Variants in PABIR3 observed in about 807,000 individuals in gnomAD.
PABIR3 encodes PABIR family member 1.
In PABIR3, 20 loss-of-function variants were observed where a neutral mutation model predicts 23.1. The observed-to-expected ratio is 0.86, with a 90% confidence interval of 0.61 to 1.26. PABIR3 has a LOEUF of 1.26. Ranked by LOEUF, PABIR3 falls within the 50% of genes most tolerant of loss-of-function variation. The pLI, the probability that PABIR3 is intolerant of heterozygous loss-of-function variation, is 0.00. For missense variants in PABIR3, 189 were observed against 195.4 expected, an observed-to-expected ratio of 0.97 and a Z score of 0.20; for synonymous variants, 69 against 68.5, an observed-to-expected ratio of 1.01 and a Z score of -0.04.
intron 4 of PABIR3, among the ~76,000 whole-genome samples, chrX:134,833,716 G>T (rs1441603596): frequency 1.8e-5 from 2 of 110,076 alleles, no homozygotes; most frequent in Admixed American, 9.8e-5. Context: ...CCCTCCCTGT[G>T]TCCATGTGTT....
At chrX:134,829,382 C>T (rs1443627937) in intron 4 of PABIR3, 100 bp downstream of exon 4, 14 of 634,606 alleles carry the variant, frequency 2.2e-5, no homozygotes, top group East Asian at 1.8e-4. Flanking sequence ...AGTGAGGTCA[C>T]GTGTAATATT....
At chrX:134,844,255 T>G (rs1414050835) in intron 4 of PABIR3, 1 of 111,662 alleles carries the variant, frequency 9.0e-6, no homozygotes, top group Non-Finnish European at 1.9e-5. Context: ...GTAGGAAGTT[T>G]TGAAATCAGA....
chrX:134,856,332 C>T (rs1603252183), downstream of PABIR3, among the ~76,000 whole-genome samples: 3 of 110,281 alleles, frequency 2.7e-5, no homozygotes, highest in African/African-American at 9.9e-5. Context: ...ATTACAGGCG[C>T]ATGCCACCAT....
At chrX:134,830,622 C>A (rs997157500) in intron 4 of PABIR3, among the ~76,000 whole-genome samples, 1 of 110,447 alleles carries the variant, frequency 9.1e-6, no homozygotes, top group African/African-American at 3.3e-5. Flanking sequence ...CGTGAGCCAC[C>A]GTGCCAGGCT....
At chrX:134,821,995 C>T in intron 3 of PABIR3, 1 of 758,700 alleles carries the variant, frequency 1.3e-6, no homozygotes, top group Non-Finnish European at 1.6e-6. Context: ...TGGAACTAAG[C>T]TTGGTTTTTC....
upstream of PABIR3, chrX:134,807,223 A>AGATTGTAGTTTTTGTTTTGGCC (rs2080288129): frequency 7.1e-6 from 6 of 843,090 alleles, no homozygotes; most frequent in African/African-American, 1.1e-4. Flanking sequence ...CAAAGGCGGC[A>AGATTGTAGTTTTTGTTTTGGCC]GATTGTAGTT....
intron 3 of PABIR3, among the ~76,000 whole-genome samples, chrX:134,818,406 G>C (rs2081092328): frequency 9.0e-6 from 1 of 111,639 alleles, no homozygotes; most frequent in Admixed American, 9.6e-5. Flanking sequence ...GTCAGAAGAA[G>C]AGTGATGGAC....
At chrX:134,821,557 T>C (rs1237200388) in intron 3 of PABIR3, 1 of 1,149,912 alleles carries the variant, frequency 8.7e-7, no homozygotes, top group Admixed American at 2.6e-5. Context: ...AGGGGAAATG[T>C]CTCATCTTCC....
chrX:134,809,332 A>C (rs1009167961), intron 2 of PABIR3: 2 of 149,541 alleles, frequency 1.3e-5, no homozygotes, highest in African/African-American at 6.5e-5. Context: ...CGCCCACCTA[A>C]TTTTTTGTAT....
rs377078091 is a variant in PABIR3, at chrX:134,838,414, C to T, written c.247-6791C>T. 1.7e-3 allele frequency among the ~76,000 whole-genome samples: 180 copies of T among 106,639 alleles called. 1 individual carries two copies. The highest frequency in any genetic ancestry group is 5.0e-3 in the African/African-American group (146 of 29,259). 92.6% of individuals were successfully genotyped at this position (106,639 alleles called of 115,157 possible). On this transcript the variant is annotated intron_variant, in intron 4 of 10. Coordinates refer to ENST00000645433, the MANE Select transcript of PABIR3 (RefSeq NM_001388447.1). Reference sequence around the variant, plus strand: ...CTGCAACCTCTGCCTTCTGGGTTCACGCCATTCTCCTGCCTCAGCCTCCCG... The same window carrying T: ...CTGCAACCTCTGCCTTCTGGGTTCATGCCATTCTCCTGCCTCAGCCTCCCG...
intron 4 of PABIR3, among the ~76,000 whole-genome samples, chrX:134,840,411 T>TC (rs757462952): frequency 9.0e-6 from 1 of 111,060 alleles, no homozygotes; most frequent in South Asian, 3.8e-4. Flanking sequence ...TTCACTTTCT[T>TC]CCCCCCATAC....
chrX:134,828,041 C>CTA (rs796193908), intron 3 of PABIR3, among the ~76,000 whole-genome samples: 2,340 of 70,947 alleles, frequency 0.033, 36 homozygotes, highest in Non-Finnish European at 0.045. Context: ...CTCTCTCTCT[C>CTA]TCTCTCTATA....
chrX:134,843,312 A>G (rs1344169062), intron 4 of PABIR3, among the ~76,000 whole-genome samples: 1 of 110,927 alleles, frequency 9.0e-6, no homozygotes, highest in Non-Finnish European at 1.9e-5. Context: ...ATCCAGTGTC[A>G]TGAAGATTTA....
chrX:134,853,540 G>A (rs1199880162), intron 10 of PABIR3, among the ~76,000 whole-genome samples: 1 of 111,233 alleles, frequency 9.0e-6, no homozygotes, highest in Admixed American at 9.6e-5. Flanking sequence ...GTTGGGTTGA[G>A]AGTATTATTG....
intron 10 of PABIR3, 97 bp from the exon 11 acceptor site, chrX:134,853,994 G>T: frequency 2.2e-6 from 2 of 925,037 alleles, no homozygotes; most frequent in Non-Finnish European, 3.0e-6. Flanking sequence ...AGTGCCAGTT[G>T]TTAGTCATGT....
chrX:134,856,999 G>A (rs914181183), downstream of PABIR3, among the ~76,000 whole-genome samples: 2 of 105,424 alleles, frequency 1.9e-5, no homozygotes, highest in Non-Finnish European at 3.8e-5. Context: ...GCGACAGAGT[G>A]AGACTCCGTC....
chrX:134,800,462 T>C (rs752544306), intron 1 of PABIR3, among the ~76,000 whole-genome samples: 1 of 110,538 alleles, frequency 9.0e-6, no homozygotes, highest in African/African-American at 3.3e-5. Flanking sequence ...TTTCTGGCTT[T>C]GGAACCTTCT....
At chrX:134,811,458 G>A (rs1179685180) in intron 2 of PABIR3, among the ~76,000 whole-genome samples, 6 of 106,823 alleles carry the variant, frequency 5.6e-5, no homozygotes, top group African/African-American at 1.4e-4. Context: ...GTTCAATCTC[G>A]GCTCACTGCA....
chrX:134,863,445 G>A, the PABIR3 span, among the ~76,000 whole-genome samples: 2 of 111,020 alleles, frequency 1.8e-5, no homozygotes, highest in African/African-American at 6.5e-5. Context: ...AAATGAGAGA[G>A]CTTCTCTACT....
Sources: allele counts gnomAD v4.1 joint callset (sites outside exome capture counted in the v4.1 genomes callset), GRCh38; gene constraint gnomAD v4.1.1; transcripts MANE v1.5; gene names NCBI Gene and HGNC (gene_info 2026-07-23, HGNC 2026-07-21).